The following AOAH variants were observed in gnomAD, a reference collection of about 807,000 sequenced individuals.
AOAH encodes the protein acyloxyacyl hydrolase, also known as acyloxyacyl hydrolase (neutrophil).
AOAH carries 64 observed loss-of-function variants against 92.2 expected under a neutral mutation model. The observed-to-expected ratio is 0.69, with a 90% CI of 0.57 to 0.86. The LOEUF (loss-of-function observed/expected upper bound fraction) is 0.86, where lower values mean the gene tolerates loss of function less well. AOAH is among the 40% of genes least tolerant of loss of function. The pLI is 0.00. For missense variants in AOAH, 656 were observed against 694.6 expected, an observed-to-expected ratio of 0.94 and a Z score of 0.62; for synonymous variants, 263 against 254.5, an observed-to-expected ratio of 1.03 and a Z score of -0.32.
At chr7:36,698,921 T>C (rs1379588856) in intron 1 of AOAH, among the ~76,000 whole-genome samples, 3 of 152,166 alleles carry the variant, frequency 2.0e-5, no homozygotes, top group Admixed American at 6.5e-5. Flanking sequence ...TATCTAGGTA[T>C]GCATTTGTAC....
chr7:36,515,827 CCACA>C (rs1220181234), intron 20 of AOAH, among the ~76,000 whole-genome samples: 1 of 137,636 alleles, frequency 7.3e-6, no homozygotes, highest in African/African-American at 2.7e-5. Flanking sequence ...CAACCCCACA[CCACA>C]CACACATACG....
At chr7:36,708,507 C>T (rs1798566692) in intron 1 of AOAH, among the ~76,000 whole-genome samples, 1 of 152,072 alleles carries the variant, frequency 6.6e-6, no homozygotes, top group African/African-American at 2.4e-5. Flanking sequence ...CTGTGGATAT[C>T]CCCATAACAG....
In AOAH at chr7:36,693,160, A is replaced by G. The variant is rs1472031723; in HGVS notation, c.128-6366T>C. Among the ~76,000 whole-genome samples, 5 of 152,206 alleles carry G rather than the reference A, an allele frequency of 3.3e-5. No homozygotes were observed. The East Asian group carries it at 7.7e-4, about 23-fold the overall frequency. Reference sequence around the variant, plus strand: ...GAAGTAGTCTAGAGTGCAGACTGTGAACTAATGGTTTTCAATGTTTTGCTC... The same window carrying G: ...GAAGTAGTCTAGAGTGCAGACTGTGGACTAATGGTTTTCAATGTTTTGCTC... On this transcript the variant is annotated intron_variant, in intron 1 of 20. Coordinates refer to ENST00000617537, the MANE Select transcript of AOAH (RefSeq NM_001637.4).
At chr7:36,566,550 C>A (rs1201801576) in intron 13 of AOAH, among the ~76,000 whole-genome samples, 1 of 151,878 alleles carries the variant, frequency 6.6e-6, no homozygotes, top group Non-Finnish European at 1.5e-5. Context: ...AGGCCTCCTG[C>A]CCCCAGGAAT....
chr7:36,684,497 T>C (rs1318782941), intron 2 of AOAH, among the ~76,000 whole-genome samples: 1 of 152,172 alleles, frequency 6.6e-6, no homozygotes, highest in Admixed American at 6.5e-5. Flanking sequence ...TTCTAAAATA[T>C]GATGTGAGAA....
At chr7:36,612,795 A>G (rs1168906465) in intron 11 of AOAH, among the ~76,000 whole-genome samples, 2 of 152,208 alleles carry the variant, frequency 1.3e-5, no homozygotes, top group East Asian at 3.8e-4. Context: ...TTGCATTGTT[A>G]TCTTAATTTG....
intron 13 of AOAH, among the ~76,000 whole-genome samples, chr7:36,552,112 T>C (rs575477089): frequency 6.6e-6 from 1 of 152,282 alleles, no homozygotes; most frequent in African/African-American, 2.4e-5. Flanking sequence ...ATATGTGCCA[T>C]GGTGGTTTGC....
At position 36,590,303 on chromosome 7, in the gene AOAH, G is replaced by A. The variant is rs77460185; in HGVS notation, c.938+4036C>T. On this transcript the variant is annotated intron_variant, in intron 12 of 20. Coordinates refer to ENST00000617537, the MANE Select transcript of AOAH (RefSeq NM_001637.4). ...TATTGCCAAGCTCTTAACCCCCACA[G>A]AGATTTTTTTTTTCTGCTTTTGACC... 3.4e-3 allele frequency among the ~76,000 whole-genome samples: 522 copies of A among 151,988 alleles called. 2 individuals are homozygous for A. Among genetic ancestry groups the A allele is most frequent in the African/African-American group, 0.012 (494 of 41,452 alleles).
chr7:36,659,408 G>A (rs1215048242), intron 3 of AOAH, 143 bp from the exon 4 acceptor site: 2 of 653,052 alleles, frequency 3.1e-6, no homozygotes, highest in Non-Finnish European at 5.5e-6. Context: ...CCCAATCCCG[G>A]GGAGCTGCTG....
intron 20 of AOAH, among the ~76,000 whole-genome samples, chr7:36,517,649 G>A (rs1428562760): frequency 4.6e-5 from 6 of 131,460 alleles, no homozygotes; most frequent in Non-Finnish European, 7.8e-5. Flanking sequence ...TACCTAGGCT[G>A]GAGTGTAGTG....
chr7:36,654,188 GC>G (rs1382634685), intron 4 of AOAH, among the ~76,000 whole-genome samples: 1 of 152,122 alleles, frequency 6.6e-6, no homozygotes, highest in Non-Finnish European at 1.5e-5. Context: ...AATGAGAGGA[GC>G]GGTAAAAATA....
At chr7:36,528,746 C>T (rs1426776779) in intron 19 of AOAH, among the ~76,000 whole-genome samples, 1 of 152,180 alleles carries the variant, frequency 6.6e-6, no homozygotes, top group African/African-American at 2.4e-5. Context: ...CAAGCATGCA[C>T]CACCATGCCT....
intron 13 of AOAH, among the ~76,000 whole-genome samples, chr7:36,560,534 G>A (rs1787186636): frequency 2.0e-5 from 3 of 152,144 alleles, no homozygotes; most frequent in Admixed American, 1.3e-4. Context: ...CTCTCAGCTT[G>A]AATGTTATAG....
At chr7:36,685,282 C>A (rs1796931349) in intron 2 of AOAH, among the ~76,000 whole-genome samples, 1 of 151,996 alleles carries the variant, frequency 6.6e-6, no homozygotes, top group Admixed American at 6.6e-5. Context: ...AAATACCGGG[C>A]AAGGTTACGA....
intron 4 of AOAH, among the ~76,000 whole-genome samples, 179 bp downstream of exon 4, chr7:36,658,987 T>G (rs6979282): frequency 0.67 from 101,983 of 152,132 alleles, 35,100 homozygotes; most frequent in East Asian, 0.84. Flanking sequence ...TCTAGCATGG[T>G]AGTATGGATC....
Position 36,689,566 on chromosome 7 carries a change from T to C in AOAH, c.128-2772A>G, listed in dbSNP as rs73688274. Among the ~76,000 whole-genome samples the C allele has an allele frequency of 3.3e-3, 504 of 152,196 alleles. 1 individual carries two copies. The highest frequency in any genetic ancestry group is 0.012 in the African/African-American group (481 of 41,502). The stretch of plus-strand genomic sequence containing the variant: ...CCTGGTGAATAGAATATGATCTTTG[T>C]TCACAGGAAGCTCACAATGAACTTC... On this transcript the variant is annotated intron_variant, in intron 1 of 20. Coordinates refer to ENST00000617537, the MANE Select transcript of AOAH (RefSeq NM_001637.4).
intron 1 of AOAH, among the ~76,000 whole-genome samples, chr7:36,699,468 C>T (rs1797903279): frequency 6.6e-6 from 1 of 151,812 alleles, no homozygotes; most frequent in Non-Finnish European, 1.5e-5. Flanking sequence ...TGCATTCCTC[C>T]CTGTCTTTTT....
rs532051334 is a variant in AOAH, at chr7:36,573,526, T to C, written c.1021+3048A>G. ...AGAGGTCAGGAGTTTGAGACCAGTC[T>C]GGCCAACATGGTGAAACCCTGTCTC... On this transcript the variant is annotated intron_variant, in intron 13 of 20. Coordinates refer to ENST00000617537, the MANE Select transcript of AOAH (RefSeq NM_001637.4). Among the ~76,000 whole-genome samples, 5 of 152,294 alleles carry C rather than the reference T, an allele frequency of 3.3e-5. No homozygotes were observed. The South Asian group carries it at 8.3e-4, about 25-fold the overall frequency.
At chr7:36,602,735 G>A (rs769217662) in intron 11 of AOAH, among the ~76,000 whole-genome samples, 1 of 152,116 alleles carries the variant, frequency 6.6e-6, no homozygotes, top group Non-Finnish European at 1.5e-5. Context: ...CTGGGATGTG[G>A]GTAGTTTTTC....
Sources: gnomAD v4.1 joint callset for allele counts (sites outside exome capture counted in the v4.1 genomes callset) on GRCh38, gnomAD v4.1.1 for gene constraint, MANE v1.5 for transcripts, NCBI Gene and HGNC (gene_info 2026-07-23, HGNC 2026-07-21) for gene names.